PHLPP1: variants seen among roughly 807,000 people sequenced by gnomAD.
PHLPP1 encodes the protein PH domain and leucine rich repeat protein phosphatase 1.
A neutral mutation model predicts 117.2 loss-of-function variants in PHLPP1; 42 were observed. That is an observed-to-expected ratio of 0.36 (90% CI 0.28 to 0.46). The LOEUF (loss-of-function observed/expected upper bound fraction) is 0.46, where lower values mean the gene tolerates loss of function less well. Among genes scored for constraint, PHLPP1 ranks in the 20% least tolerant of loss-of-function variants. PHLPP1 has a pLI of 1.00. For synonymous variants in PHLPP1, 1,042 were observed against 970.7 expected, an observed-to-expected ratio of 1.07 and a Z score of -1.37; for missense variants, 2,084 against 2,241.9, an observed-to-expected ratio of 0.93 and a Z score of 1.42.
chr18:62,848,201 T>C (rs1461069097), intron 3 of PHLPP1, among the ~76,000 whole-genome samples: 2 of 152,198 alleles, frequency 1.3e-5, no homozygotes, highest in Non-Finnish European at 2.9e-5. Flanking sequence ...GTGAATTAGT[T>C]ACCCATTTAT....
intron 3 of PHLPP1, among the ~76,000 whole-genome samples, chr18:62,851,379 G>A (rs939928302): frequency 1.3e-5 from 2 of 152,044 alleles, no homozygotes; most frequent in Admixed American, 1.3e-4. Context: ...ATTTTAACAG[G>A]TACCTCATAG....
chr18:62,897,840 T>C (rs1479897301), intron 6 of PHLPP1, among the ~76,000 whole-genome samples: 1 of 152,166 alleles, frequency 6.6e-6, no homozygotes, highest in African/African-American at 2.4e-5. Flanking sequence ...TCAAAGCTAG[T>C]GGAGTAATTT....
At chr18:62,943,918 T>G (rs1227831766) in intron 11 of PHLPP1, among the ~76,000 whole-genome samples, 1 of 152,238 alleles carries the variant, frequency 6.6e-6, no homozygotes, top group Admixed American at 6.5e-5. Context: ...TGTAGTCTAT[T>G]CTGATACCAC....
At chr18:62,732,950 T>C (rs1911267625) in intron 1 of PHLPP1, among the ~76,000 whole-genome samples, 1 of 152,208 alleles carries the variant, frequency 6.6e-6, no homozygotes. Flanking sequence ...GATGAGGAAT[T>C]TCCTCTTATG....
At chr18:62,820,143 G>A (rs1200648997) in intron 1 of PHLPP1, among the ~76,000 whole-genome samples, 1 of 152,132 alleles carries the variant, frequency 6.6e-6, no homozygotes, top group African/African-American at 2.4e-5. Context: ...ACATCAAGAA[G>A]ATATAACAAT....
At chr18:62,794,335 C>T (rs191472431) in intron 1 of PHLPP1, among the ~76,000 whole-genome samples, 2 of 151,116 alleles carry the variant, frequency 1.3e-5, no homozygotes, top group Non-Finnish European at 2.9e-5. Flanking sequence ...ACTTTTCATT[C>T]CACAAGTGTA....
chr18:62,777,773 A>G (rs1484785997), intron 1 of PHLPP1, among the ~76,000 whole-genome samples: 1 of 152,144 alleles, frequency 6.6e-6, no homozygotes, highest in Non-Finnish European at 1.5e-5. Context: ...CCAACCAGTA[A>G]GGACTCTCTT....
intron 9 of PHLPP1, 123 bp from the exon 10 acceptor site, chr18:62,919,836 A>G: frequency 1.4e-6 from 1 of 701,908 alleles, no homozygotes; most frequent in Non-Finnish European, 2.4e-6. Flanking sequence ...AATAGTTTCA[A>G]GTTTGAATTT....
intron 11 of PHLPP1, among the ~76,000 whole-genome samples, chr18:62,942,634 T>C (rs1055101626): frequency 1.3e-5 from 2 of 152,208 alleles, no homozygotes; most frequent in Non-Finnish European, 2.9e-5. Flanking sequence ...ATCTGCGTGC[T>C]GAGCCTGCCG....
chr18:62,787,552 T>G (rs637151), intron 1 of PHLPP1, among the ~76,000 whole-genome samples: 124,861 of 152,090 alleles, frequency 0.82, 51,505 homozygotes, highest in Non-Finnish European at 0.85. Flanking sequence ...AAGCAGGAAT[T>G]GAATTTTTAT....
At chr18:62,974,132 AC>A (rs1156860952) in intron 15 of PHLPP1, among the ~76,000 whole-genome samples, 2 of 152,038 alleles carry the variant, frequency 1.3e-5, no homozygotes, top group African/African-American at 4.8e-5. Flanking sequence ...AAAACTGAGA[AC>A]CCCAGTCTCG....
intron 8 of PHLPP1, among the ~76,000 whole-genome samples, chr18:62,906,048 T>A (rs1916840413): frequency 6.6e-6 from 1 of 152,156 alleles, no homozygotes; most frequent in Non-Finnish European, 1.5e-5. Context: ...GTTCTAAACA[T>A]AGGGAGTTTG....
chr18:62,920,345 A>G (rs553264963), intron 10 of PHLPP1, among the ~76,000 whole-genome samples: 1 of 152,342 alleles, frequency 6.6e-6, no homozygotes, highest in African/African-American at 2.4e-5. Context: ...AGTAGGTTAC[A>G]TTGTCCATAA....
intron 8 of PHLPP1, among the ~76,000 whole-genome samples, chr18:62,912,474 C>G (rs1916983921): frequency 6.6e-6 from 1 of 151,630 alleles, no homozygotes; most frequent in African/African-American, 2.4e-5. Context: ...CAGACATTAC[C>G]TAATTAGTTT....
At chr18:62,922,438 G>GA (rs1453579034) in intron 10 of PHLPP1, among the ~76,000 whole-genome samples, 4 of 152,158 alleles carry the variant, frequency 2.6e-5, no homozygotes, top group Non-Finnish European at 5.9e-5. Context: ...CACCAGGCTA[G>GA]AATTCTTGTT....
chr18:62,795,548 A>T (rs1330774161), intron 1 of PHLPP1, among the ~76,000 whole-genome samples: 1 of 151,428 alleles, frequency 6.6e-6, no homozygotes, highest in African/African-American at 2.4e-5. Flanking sequence ...TTCTTAACTC[A>T]CTGGTCACTC....
At chr18:62,837,439 G>T (rs1016580977) in intron 2 of PHLPP1, among the ~76,000 whole-genome samples, 2 of 151,954 alleles carry the variant, frequency 1.3e-5, no homozygotes, top group African/African-American at 4.8e-5. Flanking sequence ...ATTGTTAATT[G>T]TTAATATTAT....
At chr18:62,859,879 A>G (rs1489729110) in intron 3 of PHLPP1, among the ~76,000 whole-genome samples, 1 of 152,224 alleles carries the variant, frequency 6.6e-6, no homozygotes, top group Non-Finnish European at 1.5e-5. Flanking sequence ...CCCTCCAGGC[A>G]GGGACATTTT....
At chr18:62,916,693 T>A (rs922534551) in intron 9 of PHLPP1, among the ~76,000 whole-genome samples, 1 of 150,610 alleles carries the variant, frequency 6.6e-6, no homozygotes, top group Non-Finnish European at 1.5e-5. Context: ...AAAAAATAAT[T>A]CGTTGAAAAA....
Sources: gnomAD v4.1 joint callset for allele counts (sites outside exome capture counted in the v4.1 genomes callset) on GRCh38, gnomAD v4.1.1 for gene constraint, MANE v1.5 for transcripts, NCBI Gene and HGNC (gene_info 2026-07-23, HGNC 2026-07-21) for gene names.